Variants in MAPK10 observed in about 807,000 individuals in gnomAD.
MAPK10 encodes JNK3 alpha protein kinase.
MAPK10 carries 25 observed loss-of-function variants against 59.3 expected under a neutral mutation model. The ratio of observed to expected loss-of-function variants is 0.42; its 90% CI spans 0.31 to 0.59. MAPK10 has a LOEUF of 0.59. Ranked by LOEUF, MAPK10 falls within the 20% of genes least tolerant of loss-of-function variation. The pLI is 0.15. For synonymous variants in MAPK10, 190 were observed against 200.5 expected (o/e 0.95, Z 0.44); for missense variants, 351 against 568.9 (o/e 0.62, Z 3.90).
intron 4 of MAPK10, among the ~76,000 whole-genome samples, chr4:86,140,642 C>T (rs1297706994): frequency 6.6e-6 from 1 of 151,106 alleles, no homozygotes; most frequent in Non-Finnish European, 1.5e-5. Flanking sequence ...ATGTAACTAA[C>T]CTGCACAATG....
intron 4 of MAPK10, among the ~76,000 whole-genome samples, chr4:86,134,815 T>G (rs1336151331): frequency 6.6e-6 from 1 of 151,982 alleles, no homozygotes; most frequent in Non-Finnish European, 1.5e-5. Context: ...TGGGCGCAGG[T>G]CAGTGGGTGC....
At chr4:86,052,366 G>A (rs943607639) in intron 11 of MAPK10, among the ~76,000 whole-genome samples, 1 of 151,904 alleles carries the variant, frequency 6.6e-6, no homozygotes, top group African/African-American at 2.4e-5. Context: ...TTCTTTACTA[G>A]ACTCATGATT....
intron 2 of MAPK10, among the ~76,000 whole-genome samples, chr4:86,347,544 A>G (rs1284874737): frequency 6.6e-6 from 1 of 152,164 alleles, no homozygotes; most frequent in East Asian, 1.9e-4. Context: ...ATTTTATACA[A>G]TACTAGAGTG....
At chr4:86,255,909 C>T (rs909225675) in intron 2 of MAPK10, among the ~76,000 whole-genome samples, 1 of 152,004 alleles carries the variant, frequency 6.6e-6, no homozygotes, top group Non-Finnish European at 1.5e-5. Flanking sequence ...TTATTCACAG[C>T]ATCAAATTGT....
At chr4:86,063,070 A>C (rs2046027561) in intron 11 of MAPK10, among the ~76,000 whole-genome samples, 1 of 152,192 alleles carries the variant, frequency 6.6e-6, no homozygotes. Flanking sequence ...CACTTGGGAG[A>C]TTCATTAATC....
chr4:86,575,865 T>C (rs553174768), intron 1 of MAPK10, among the ~76,000 whole-genome samples: 56 of 151,688 alleles, frequency 3.7e-4, no homozygotes, highest in African/African-American at 1.3e-3. Context: ...GGGAAACCTC[T>C]AACATGAGAG....
intron 3 of MAPK10, among the ~76,000 whole-genome samples, chr4:86,183,584 G>C (rs2077431455): frequency 6.6e-6 from 1 of 151,952 alleles, no homozygotes; most frequent in Non-Finnish European, 1.5e-5. Flanking sequence ...ATTGTGAATA[G>C]TGCCGCAATA....
rs548126702 is a variant in MAPK10 at position 86,110,431 on chromosome 4, A to G, written c.237-3079T>C. Among the ~76,000 whole-genome samples, 15 of 152,086 alleles carry G rather than the reference A, an allele frequency of 9.9e-5. No individual in the cohort carries two copies. In the East Asian group the frequency reaches 2.7e-3, roughly 27 times the overall value. On this transcript the variant is annotated intron_variant, in intron 4 of 13. Coordinates refer to ENST00000641462, the MANE Select transcript of MAPK10 (RefSeq NM_138982.4). ...GGTGTAAGGAAGAGGTCCAGTTTCA[A>G]TTTTCTGCATATGGCTGGTCAGTTT...
intron 3 of MAPK10, among the ~76,000 whole-genome samples, chr4:86,178,546 C>G (rs2076194783): frequency 6.6e-6 from 1 of 151,978 alleles, no homozygotes; most frequent in Non-Finnish European, 1.5e-5. Context: ...TGTCTTGCAA[C>G]AAAGGCCATT....
chr4:86,330,118 T>C (rs1230432032), intron 2 of MAPK10, among the ~76,000 whole-genome samples: 2 of 152,172 alleles, frequency 1.3e-5, no homozygotes, highest in South Asian at 2.1e-4. Flanking sequence ...AGAAGTCACA[T>C]AGAGGTGTAT....
At chr4:86,549,545 G>A (rs180950236) in intron 1 of MAPK10, among the ~76,000 whole-genome samples, 59 of 152,340 alleles carry the variant, frequency 3.9e-4, no homozygotes, top group Non-Finnish European at 7.1e-4. Flanking sequence ...TACAGGACTG[G>A]AAGTTGCTCT....
Position 86,576,781 on chromosome 4 carries a change from A to C in MAPK10, c.-263+17129T>G, listed in dbSNP as rs1761934076. Among the ~76,000 whole-genome samples the C allele has an allele frequency of 2.0e-5, 3 of 152,150 alleles. No individual in the cohort carries two copies. In the South Asian group the frequency reaches 6.2e-4, roughly 32 times the overall value. ...CAGTGCGAGACTCCGTCCCAAAAAA[A>C]AAAAACAAAAAACCTATAATTGGTT... On this transcript the variant is annotated intron_variant, in intron 1 of 4. Transcript: ENST00000502302.
In MAPK10 at chr4:86,425,028, C is replaced by T. The variant is rs1747084081; in HGVS notation, c.-122+28002G>A. On this transcript the variant is annotated intron_variant, in intron 1 of 13. Transcript: ENST00000361569. ...ACAGCAGAATGTCAAGGACCAAATTCCGTGTTCAAGGTCAAGAGGAAGAAG... is the reference window on the plus strand; with the variant it reads ...ACAGCAGAATGTCAAGGACCAAATTTCGTGTTCAAGGTCAAGAGGAAGAAG... Among the ~76,000 whole-genome samples the T allele has an allele frequency of 3.3e-5, 5 of 152,034 alleles. No individual in the cohort carries two copies. The South Asian group carries it at 8.3e-4, about 25-fold the overall frequency.
intron 1 of MAPK10, among the ~76,000 whole-genome samples, chr4:86,381,384 T>A (rs568431822): frequency 2.0e-5 from 3 of 152,282 alleles, no homozygotes; most frequent in Admixed American, 6.5e-5. Context: ...CACAGACTGC[T>A]GCAGTAACCT....
At chr4:86,581,823 G>C (rs1565074967) in intron 1 of MAPK10, among the ~76,000 whole-genome samples, 1 of 145,548 alleles carries the variant, frequency 6.9e-6, no homozygotes, top group Non-Finnish European at 1.5e-5. Flanking sequence ...CACCAACTGA[G>C]CTGTATGTTC....
At chr4:86,267,422 T>C (rs1201332615) in intron 2 of MAPK10, among the ~76,000 whole-genome samples, 1 of 152,204 alleles carries the variant, frequency 6.6e-6, no homozygotes, top group Non-Finnish European at 1.5e-5. Flanking sequence ...AAGTACAAGA[T>C]CAGCCACTTG....
chr4:86,270,497 A>G (rs2094400743), intron 2 of MAPK10, among the ~76,000 whole-genome samples: 1 of 152,034 alleles, frequency 6.6e-6, no homozygotes, highest in South Asian at 2.1e-4. Context: ...TAGTAAGGCA[A>G]AGCGCTATCA....
intron 9 of MAPK10, among the ~76,000 whole-genome samples, chr4:86,086,306 T>G (rs572743061): frequency 6.6e-6 from 1 of 152,074 alleles, no homozygotes; most frequent in Non-Finnish European, 1.5e-5. Flanking sequence ...AAATAAAAAG[T>G]TAGAAAGAAT....
At chr4:86,047,566 C>A (rs1328627968) in intron 11 of MAPK10, among the ~76,000 whole-genome samples, 3 of 152,164 alleles carry the variant, frequency 2.0e-5, no homozygotes, top group Non-Finnish European at 2.9e-5. Flanking sequence ...TCACTAGCAC[C>A]TTTTAGTGTA....
Sources: gnomAD v4.1 joint callset for allele counts (sites outside exome capture counted in the v4.1 genomes callset) on GRCh38, gnomAD v4.1.1 for gene constraint, MANE v1.5 for transcripts, NCBI Gene and HGNC (gene_info 2026-07-23, HGNC 2026-07-21) for gene names.